The following DRC3 variants were observed in gnomAD, a reference collection of about 807,000 sequenced individuals.
The protein encoded by DRC3 is dynein regulatory complex subunit 3.
DRC3 carries 45 observed loss-of-function variants against 57.6 expected under a neutral mutation model. The observed-to-expected ratio is 0.78, with a 90% CI of 0.62 to 1.00. The LOEUF (loss-of-function observed/expected upper bound fraction) is 1.00, where lower values mean the gene tolerates loss of function less well. Among genes scored for constraint, DRC3 ranks in the 50% least tolerant of loss-of-function variants. DRC3 has a pLI of 0.00. For synonymous variants in DRC3, 257 were observed against 272.3 expected (o/e 0.94, Z 0.55); for missense variants, 655 against 675.2 (o/e 0.97, Z 0.33).
chr17:17,986,198 C>T (rs951720522), intron 4 of DRC3, among the ~76,000 whole-genome samples: 4 of 152,220 alleles, frequency 2.6e-5, no homozygotes, highest in Non-Finnish European at 5.9e-5. Flanking sequence ...AGGCGTGAGC[C>T]ACTGCACCTG....
intron 3 of DRC3, among the ~76,000 whole-genome samples, chr17:17,982,436 C>T (rs2042743116): frequency 6.6e-6 from 1 of 151,398 alleles, no homozygotes; most frequent in Non-Finnish European, 1.5e-5. Flanking sequence ...AGGATGGTCT[C>T]CACCTCCTCA....
chr17:18,005,944 G>A, intron 10 of DRC3: 1 of 516,828 alleles, frequency 1.9e-6, no homozygotes, highest in Non-Finnish European at 3.5e-6. Context: ...TCCTGGCAAA[G>A]TTCCGGTGAC....
chr17:18,012,714 A>G (rs925677678), intron 12 of DRC3, among the ~76,000 whole-genome samples: 3 of 152,194 alleles, frequency 2.0e-5, no homozygotes, highest in Non-Finnish European at 4.4e-5. Flanking sequence ...AAACTATAAA[A>G]TGACCAGAAG....
intron 5 of DRC3, among the ~76,000 whole-genome samples, chr17:17,991,883 G>A (rs1331381692): frequency 6.6e-6 from 1 of 152,210 alleles, no homozygotes; most frequent in Admixed American, 6.5e-5. Context: ...GCTCACGCCT[G>A]TAATCCCAGC....
rs565913969 is a variant in DRC3, at chr17:18,001,489, TGA to T, written c.1000-2870_1000-2869del. On this transcript the variant is annotated intron_variant, in intron 9 of 13. Coordinates refer to ENST00000399187, the MANE Select transcript of DRC3 (RefSeq NM_031294.4). ...CTGCATTCCAGCCTGGGCAATAGAG[TGA>T]GAGTCTGTCTCAAAAAAAGAAAAAA... Among the ~76,000 whole-genome samples, 15 of 152,080 alleles carry T rather than the reference TGA, an allele frequency of 9.9e-5. No homozygotes were observed. In the South Asian group the frequency reaches 2.3e-3, roughly 23 times the overall value.
Position 18,006,196 on chromosome 17 carries a change from T to C in DRC3, c.1145T>C (p.Met382Thr), listed in dbSNP as rs751314253. ...TAACATTTCCAGGAGACTATAAACA[T>C]GTTTGAAAGGAACATTGTTGACATG... ...LVEQLEETIN[M>T]FERNIVDMVG... The change falls in exon 11 of 14, where the codon ATG (methionine) becomes ACG (threonine). Residue 382 changes from methionine (M) to threonine (T), a missense_variant. By Grantham distance (81) the Met-to-Thr change is moderately conservative (BLOSUM62 -1). Transcript: ENST00000399187. 1.1e-5 allele frequency: 18 copies of C among 1,611,210 alleles called. No homozygotes were observed. The East Asian group carries it at 2.0e-4, about 18-fold the overall frequency.
rs1405403490 is a variant in DRC3 at position 18,006,170 on chromosome 17, T to G, written c.1132-13T>G. ...TAAATATGCATGTTAACTGTGTTCTTTAACATTTCCAGGAGACTATAAACA... is the reference window on the plus strand; with the variant it reads ...TAAATATGCATGTTAACTGTGTTCTGTAACATTTCCAGGAGACTATAAACA... On this transcript the variant is annotated splice_polypyrimidine_tract_variant and intron_variant, in intron 10 of 13. Coordinates refer to ENST00000399187, the MANE Select transcript of DRC3 (RefSeq NM_031294.4). 12 of 1,602,096 alleles carry G rather than the reference T, an allele frequency of 7.5e-6. No individual in the cohort carries two copies. The highest frequency in any genetic ancestry group is 1.0e-5 in the Non-Finnish European group (12 of 1,170,362).
chr17:17,977,137 C>G (rs2042426408), intron 2 of DRC3, among the ~76,000 whole-genome samples: 1 of 152,156 alleles, frequency 6.6e-6, no homozygotes, highest in South Asian at 2.1e-4. Flanking sequence ...GGGTGAGGTG[C>G]TCAAGGAAGA....
Position 18,004,497 on chromosome 17 carries a change from A to G in DRC3, c.1131+3A>G. Reference sequence around the variant, plus strand: ...TGCAGCTGGTGGAGCAGCTGGAGGTAAGGCTGGGCCCTGGGCACAAGTGCC... The same window carrying G: ...TGCAGCTGGTGGAGCAGCTGGAGGTGAGGCTGGGCCCTGGGCACAAGTGCC... On this transcript the variant is annotated splice_donor_region_variant and intron_variant, in intron 10 of 13. Coordinates refer to ENST00000399187, the MANE Select transcript of DRC3 (RefSeq NM_031294.4). 1 of 1,609,542 alleles carries G rather than the reference A, an allele frequency of 6.2e-7. No individual in the cohort carries two copies. Among genetic ancestry groups the G allele is most frequent in the Non-Finnish European group, 8.5e-7 (1 of 1,178,124 alleles).
intron 13 of DRC3, 131 bp downstream of exon 13, chr17:18,016,326 G>T (rs1371969986): frequency 9.1e-7 from 1 of 1,098,640 alleles, no homozygotes; most frequent in African/African-American, 1.6e-5. Flanking sequence ...AAGGATTATA[G>T]AATTCCACAC....
intron 3 of DRC3, among the ~76,000 whole-genome samples, chr17:17,980,351 G>T (rs2042609875): frequency 6.6e-6 from 1 of 151,720 alleles, no homozygotes; most frequent in Admixed American, 6.6e-5. Context: ...CTAGAGTGCA[G>T]TAGTGCGATC....
Position 17,994,221 on chromosome 17 carries a change from A to T in DRC3, c.592-78A>T. The T allele has an allele frequency of 7.2e-6, 11 of 1,529,796 alleles. No individual in the cohort carries two copies. In the South Asian group the frequency reaches 1.3e-4, roughly 19 times the overall value. The allele number at this position is 1,529,796 out of a possible 1,614,324, so 94.8% of individuals were successfully genotyped here. A position where few individuals can be genotyped will look rare whatever the true frequency, so the allele number is the denominator to read the frequency against. On this transcript the variant is annotated intron_variant, in intron 6 of 13. Coordinates refer to ENST00000399187, the MANE Select transcript of DRC3 (RefSeq NM_031294.4). ...CTGCCCATGCGCGGGAGGCTGCAGCATGGCAGAGGCGGCATGGCAGAGGCG... is the reference window on the plus strand; with the variant it reads ...CTGCCCATGCGCGGGAGGCTGCAGCTTGGCAGAGGCGGCATGGCAGAGGCG...
chr17:17,983,978 C>T (rs938632859), intron 4 of DRC3, 34 bp downstream of exon 4: 7 of 1,353,046 alleles, frequency 5.2e-6, no homozygotes, highest in South Asian at 1.2e-5. Flanking sequence ...CCACCCTAAT[C>T]GAAGGTGACA....
chr17:17,978,645 G>C (rs1260224682), intron 3 of DRC3, among the ~76,000 whole-genome samples: 2 of 152,244 alleles, frequency 1.3e-5, no homozygotes, highest in East Asian at 3.8e-4. Flanking sequence ...CAGTGGGCAA[G>C]TCAGGCATGG....
rs567074530 is a variant in DRC3, at chr17:18,001,340, C to T, written c.1000-3023C>T. 1.1e-4 allele frequency among the ~76,000 whole-genome samples: 17 copies of T among 151,892 alleles called. 1 individual carries two copies. In the East Asian group the frequency reaches 3.3e-3, roughly 30 times the overall value. Reference sequence around the variant, plus strand: ...ACAACATGGTGAAACCCCGTCTCTACTAAAAATACAAAAGTTAGCCAGGGT... The same window carrying T: ...ACAACATGGTGAAACCCCGTCTCTATTAAAAATACAAAAGTTAGCCAGGGT... On this transcript the variant is annotated intron_variant, in intron 9 of 13. Coordinates refer to ENST00000399187, the MANE Select transcript of DRC3 (RefSeq NM_031294.4).
chr17:18,007,105 C>T lies in DRC3; in HGVS notation c.1284C>T (p.Val428=), dbSNP rs2043986354. Residue 428 remains valine, a synonymous_variant, in exon 12 of 14, where the codon GTC becomes GTT. Coordinates refer to ENST00000399187, the MANE Select transcript of DRC3 (RefSeq NM_031294.4). ...EISISTLEKI[V]EGDLDEDLPN... ...CTATCAGCACCCTGGAGAAGATTGTCGAGGGCGACCTGGACGAGGACCTGC... is the reference window on the plus strand; with the variant it reads ...CTATCAGCACCCTGGAGAAGATTGTTGAGGGCGACCTGGACGAGGACCTGC... The T allele has an allele frequency of 1.6e-6, 2 of 1,256,700 alleles. No homozygotes were observed. The highest frequency in any genetic ancestry group is 2.0e-6 in the Non-Finnish European group (2 of 982,106). The allele number at this position is 1,256,700 out of a possible 1,614,324, so 77.8% of individuals were successfully genotyped here.
In DRC3 at chr17:17,992,764, G is replaced by A; in HGVS notation, c.445-1G>A. On this transcript the variant is annotated splice_acceptor_variant, in intron 5 of 13. Coordinates refer to ENST00000399187, the MANE Select transcript of DRC3 (RefSeq NM_031294.4). LOFTEE classifies it high-confidence loss of function. ...GGGCCTTTCTCCCTTTTTCTCCCCA[G>A]ATCATCTACCTCCGGCGGTTCAAGT... 6.2e-7 allele frequency: 1 copy of A among 1,612,576 alleles called. No individual in the cohort carries two copies. The highest frequency in any genetic ancestry group is 8.5e-7 in the Non-Finnish European group (1 of 1,179,386).
chr17:17,987,883 C>CA (rs758136303), intron 4 of DRC3, 49 bp from the exon 5 acceptor site: 1 of 1,593,362 alleles, frequency 6.3e-7, no homozygotes, highest in East Asian at 2.2e-5. Flanking sequence ...CAGGACAGCC[C>CA]ATCCCCTGAC....
chr17:17,995,877 A>AG (rs1157596798), intron 8 of DRC3: 2 of 152,606 alleles, frequency 1.3e-5, no homozygotes, highest in East Asian at 3.8e-4. Flanking sequence ...CCAAGGCAGG[A>AG]GGATTGCTTG....
Sources: gnomAD v4.1 joint callset for allele counts (sites outside exome capture counted in the v4.1 genomes callset) on GRCh38, gnomAD v4.1.1 for gene constraint, MANE v1.5 for transcripts, NCBI Gene and HGNC (gene_info 2026-07-23, HGNC 2026-07-21) for gene names.